The following EHF variants were observed in gnomAD, a reference collection of about 807,000 sequenced individuals.
EHF encodes ESE3 transcription factor.
In EHF, 14 loss-of-function variants were observed where a neutral mutation model predicts 45.1. The ratio of observed to expected loss-of-function variants is 0.31; its 90% CI spans 0.21 to 0.49. The LOEUF (loss-of-function observed/expected upper bound fraction) is 0.49, where lower values mean the gene tolerates loss of function less well. Among genes scored for constraint, EHF ranks in the 20% least tolerant of loss-of-function variants. The pLI is 0.99. For synonymous variants in EHF, 136 were observed against 131.8 expected (o/e 1.03, Z -0.22); for missense variants, 282 against 371.4 (o/e 0.76, Z 1.98).
intron 1 of EHF, among the ~76,000 whole-genome samples, chr11:34,640,970 A>G (rs1358753383): frequency 1.3e-5 from 2 of 152,178 alleles, no homozygotes; most frequent in African/African-American, 4.8e-5. Flanking sequence ...CATTTTGCAT[A>G]TGAGAAAACT....
intron 8 of EHF, 29 bp from the exon 9 acceptor site, chr11:34,658,803 G>T (rs200647493): frequency 1.2e-6 from 2 of 1,607,836 alleles, no homozygotes; most frequent in Admixed American, 3.4e-5. Flanking sequence ...CATCGGATCA[G>T]TCACCTTATG....
rs1856172869 is a variant in EHF, at chr11:34,662,880, G to A, written c.*3949G>A. 6.6e-6 allele frequency among the ~76,000 whole-genome samples: 1 copy of A among 152,046 alleles called. No homozygotes were observed. The highest frequency in any genetic ancestry group is 3.2e-3 in the Middle Eastern group (1 of 316). On this transcript the variant is annotated 3_prime_UTR_variant, in exon 9 of 9. Transcript: ENST00000257831. Reference sequence around the variant, plus strand: ...ACTGTATGAATGAAAGAACATCACAGTAATCACAATATCAGAGCTGAATTA... The same window carrying A: ...ACTGTATGAATGAAAGAACATCACAATAATCACAATATCAGAGCTGAATTA...
intron 2 of EHF, among the ~76,000 whole-genome samples, chr11:34,644,324 C>T (rs1231081106): frequency 6.6e-6 from 1 of 152,212 alleles, no homozygotes; most frequent in African/African-American, 2.4e-5. Context: ...ATATCCCATC[C>T]TTAAACAGCT....
chr11:34,639,511 T>C (rs1853775229), intron 1 of EHF, among the ~76,000 whole-genome samples: 1 of 152,242 alleles, frequency 6.6e-6, no homozygotes, highest in Non-Finnish European at 1.5e-5. Flanking sequence ...GTCTTCACTC[T>C]ACGCCTGAAA....
intron 4 of EHF, among the ~76,000 whole-genome samples, chr11:34,649,482 T>C (rs1328348512): frequency 4.6e-5 from 7 of 152,214 alleles, no homozygotes; most frequent in Non-Finnish European, 8.8e-5. Flanking sequence ...CCTTGATGGG[T>C]GTGTGTTTCA....
intron 1 of EHF, chr11:34,624,160 C>T: frequency 2.3e-6 from 1 of 431,050 alleles, no homozygotes; most frequent in Non-Finnish European, 3.1e-6. Context: ...TTGTTAAGAT[C>T]GCTCTCTGGT....
Position 34,622,341 on chromosome 11 carries a change from G to T in EHF, c.-4+1113G>T, listed in dbSNP as rs1233997045. On this transcript the variant is annotated intron_variant, in intron 1 of 8. Transcript: ENST00000257831. ...TTATCTGCACTCACCTTGGTAACAGGGAGAAAGTGAGTGAATGGATTCCAA... is the reference window on the plus strand; with the variant it reads ...TTATCTGCACTCACCTTGGTAACAGTGAGAAAGTGAGTGAATGGATTCCAA... 5 of 1,128,656 alleles carry T rather than the reference G, an allele frequency of 4.4e-6. No individual in the cohort carries two copies. In the Admixed American group the frequency reaches 9.4e-5, roughly 21 times the overall value. 69.9% of individuals were successfully genotyped at this position (1,128,656 alleles called of 1,614,324 possible).
intron 1 of EHF, among the ~76,000 whole-genome samples, chr11:34,627,679 G>A (rs1296237967): frequency 1.3e-5 from 2 of 152,114 alleles, no homozygotes; most frequent in South Asian, 2.1e-4. Flanking sequence ...CTTATTATTA[G>A]TAAAACAGCA....
At chr11:34,650,120 AC>A (rs929841804) in intron 4 of EHF, among the ~76,000 whole-genome samples, 2 of 152,136 alleles carry the variant, frequency 1.3e-5, no homozygotes, top group East Asian at 3.9e-4. Context: ...GGAGGATGGC[AC>A]CCCCTCCCCT....
intron 1 of EHF, among the ~76,000 whole-genome samples, chr11:34,632,063 A>G (rs1470823358): frequency 6.6e-6 from 1 of 152,026 alleles, no homozygotes; most frequent in Non-Finnish European, 1.5e-5. Context: ...ACCCCCTTTT[A>G]TATTGAGGGA....
At chr11:34,637,235 T>C (rs1294067661) in intron 1 of EHF, among the ~76,000 whole-genome samples, 2 of 152,100 alleles carry the variant, frequency 1.3e-5, no homozygotes, top group Admixed American at 1.3e-4. Flanking sequence ...AAGTGCTCTG[T>C]TCCCCCTGCT....
intron 1 of EHF, chr11:34,624,234 T>G (rs1253520104): frequency 2.0e-6 from 2 of 984,362 alleles, no homozygotes; most frequent in African/African-American, 3.5e-5. Context: ...TTGGCTCCAC[T>G]GCAGCCTGGG....
At chr11:34,648,712 C>T (rs1854830383) in intron 3 of EHF, among the ~76,000 whole-genome samples, 1 of 152,174 alleles carries the variant, frequency 6.6e-6, no homozygotes, top group Admixed American at 6.5e-5. Flanking sequence ...CACACACCTT[C>T]CTCATAGCTA....
At chr11:34,626,024 AT>A (rs1355440324) in intron 1 of EHF, among the ~76,000 whole-genome samples, 3 of 152,208 alleles carry the variant, frequency 2.0e-5, no homozygotes, top group Non-Finnish European at 4.4e-5. Flanking sequence ...TAGTAGTTGG[AT>A]TTTTAGACTA....
At chr11:34,642,927 G>A (rs1854150665) in intron 2 of EHF, among the ~76,000 whole-genome samples, 200 bp downstream of exon 2, 1 of 152,174 alleles carries the variant, frequency 6.6e-6, no homozygotes, top group African/African-American at 2.4e-5. Flanking sequence ...ATATTCTATT[G>A]CCTCCTCCCA....
At chr11:34,652,414 G>A (rs1239267559) in intron 6 of EHF, among the ~76,000 whole-genome samples, 2 of 152,210 alleles carry the variant, frequency 1.3e-5, no homozygotes, top group Non-Finnish European at 2.9e-5. Flanking sequence ...TGCAACTGGG[G>A]CTATCCATGC....
intron 2 of EHF, among the ~76,000 whole-genome samples, chr11:34,643,384 C>G (rs1854216894): frequency 6.6e-6 from 1 of 152,060 alleles, no homozygotes; most frequent in African/African-American, 2.4e-5. Flanking sequence ...AACCCCATAC[C>G]CCAATTTAGA....
chr11:34,622,870 T>A (rs975590173), intron 1 of EHF, among the ~76,000 whole-genome samples: 1 of 152,222 alleles, frequency 6.6e-6, no homozygotes, highest in Non-Finnish European at 1.5e-5. Context: ...CAAAATATTT[T>A]ACAGAGGCAT....
At chr11:34,656,883 A>T in intron 6 of EHF, 25 bp from the exon 7 acceptor site, 1 of 1,611,512 alleles carries the variant, frequency 6.2e-7, no homozygotes, top group Admixed American at 1.7e-5. Context: ...TAGGTCAATT[A>T]AACGCCTCTC....
Sources: gnomAD v4.1 joint callset for allele counts (sites outside exome capture counted in the v4.1 genomes callset) on GRCh38, gnomAD v4.1.1 for gene constraint, MANE v1.5 for transcripts, NCBI Gene and HGNC (gene_info 2026-07-23, HGNC 2026-07-21) for gene names.